Variants in YTHDC2 observed in about 807,000 individuals in gnomAD.
The protein encoded by YTHDC2 is YTH N6-methyladenosine RNA binding protein C2.
Under a neutral mutation model 174.9 loss-of-function variants are expected in YTHDC2, and 45 were observed. The observed-to-expected ratio is 0.26, with a 90% CI of 0.20 to 0.33. The LOEUF (loss-of-function observed/expected upper bound fraction) is 0.33. YTHDC2 is among the 10% of genes least tolerant of loss of function. The probability of loss-of-function intolerance (pLI) is 1.00; values close to 1 mark genes in which losing one functional copy is unlikely to be tolerated. For missense variants in YTHDC2, 1,650 were observed against 1,723.7 expected (o/e 0.96, Z 0.76); for synonymous variants, 657 against 574.5 (o/e 1.14, Z -2.05).
chr5:113,524,366 T>C (rs888984597), intron 2 of YTHDC2, among the ~76,000 whole-genome samples: 2 of 152,134 alleles, frequency 1.3e-5, no homozygotes, highest in Admixed American at 6.5e-5. Context: ...AGTAAATAAC[T>C]TGAACAGTTA....
intron 2 of YTHDC2, among the ~76,000 whole-genome samples, chr5:113,517,270 T>C (rs1391613098): frequency 6.6e-6 from 1 of 152,198 alleles, no homozygotes; most frequent in African/African-American, 2.4e-5. Flanking sequence ...CTTAAAAGTT[T>C]CCAGTTTTTG....
intron 23 of YTHDC2, among the ~76,000 whole-genome samples, chr5:113,569,313 G>T (rs796068962): frequency 1.3e-5 from 2 of 152,176 alleles, no homozygotes; most frequent in African/African-American, 4.8e-5. Flanking sequence ...TCTGATGATA[G>T]TTGTTTCTTT....
At position 113,593,536 on chromosome 5, in the gene YTHDC2, C is replaced by G. The variant is rs1779115674; in HGVS notation, c.*62C>G. ...TATTTATAACCACTGAATGCACTGACTTTCAAAAACTGAGGTGGGGTGTGT... is the reference window on the plus strand; with the variant it reads ...TATTTATAACCACTGAATGCACTGAGTTTCAAAAACTGAGGTGGGGTGTGT... On this transcript the variant is annotated 3_prime_UTR_variant, in exon 30 of 30. Transcript: ENST00000161863. The G allele has an allele frequency of 1.7e-6, 1 of 588,484 alleles. No homozygotes were observed. The highest frequency in any genetic ancestry group is 2.9e-6 in the Non-Finnish European group (1 of 350,354). 36.5% of individuals were successfully genotyped at this position (588,484 alleles called of 1,614,324 possible). A position where few individuals can be genotyped will look rare whatever the true frequency, so the allele number is the denominator to read the frequency against.
At chr5:113,567,028 G>T (rs1777379251) in intron 21 of YTHDC2, 64 bp from the exon 22 acceptor site, 2 of 1,510,390 alleles carry the variant, frequency 1.3e-6, no homozygotes, top group Admixed American at 2.3e-5. Flanking sequence ...CAAGTTTTTG[G>T]AAAAAATACA....
intron 17 of YTHDC2, 39 bp from the exon 18 acceptor site, chr5:113,561,041 T>A (rs554136252): frequency 1.3e-6 from 2 of 1,527,850 alleles, no homozygotes; most frequent in South Asian, 2.5e-5. Flanking sequence ...GTAGCCTTTA[T>A]TCGTTGTTTG....
At chr5:113,580,930 C>G (rs1193627732) in intron 24 of YTHDC2, among the ~76,000 whole-genome samples, 1 of 152,116 alleles carries the variant, frequency 6.6e-6, no homozygotes, top group Non-Finnish European at 1.5e-5. Flanking sequence ...CACTTTGTGT[C>G]TTACTCTTAT....
chr5:113,552,587 A>C (rs139330578), intron 12 of YTHDC2, among the ~76,000 whole-genome samples: 1 of 152,076 alleles, frequency 6.6e-6, no homozygotes, highest in Non-Finnish European at 1.5e-5. Context: ...GGTTGTTTCC[A>C]CTTTCTGACT....
Position 113,594,329 on chromosome 5 carries a change from A to G in YTHDC2, c.*855A>G, listed in dbSNP as rs1267337722. On this transcript the variant is annotated 3_prime_UTR_variant, in exon 30 of 30. Transcript: ENST00000161863. ...TTGTTTTGGCTACAACTTGATTGAAACAAGTTCAAAATTTAAACAAGTTCA... is the reference window on the plus strand; with the variant it reads ...TTGTTTTGGCTACAACTTGATTGAAGCAAGTTCAAAATTTAAACAAGTTCA... 1.3e-5 allele frequency: 2 copies of G among 152,068 alleles called. No homozygotes were observed. The highest frequency in any genetic ancestry group is 2.9e-5 in the Non-Finnish European group (2 of 67,996). 9.4% of individuals were successfully genotyped at this position (152,068 alleles called of 1,614,324 possible).
rs938373343 is a variant in YTHDC2, at chr5:113,553,957, A to G, written c.2068A>G (p.Ile690Val). The G allele has an allele frequency of 6.9e-6, 11 of 1,586,444 alleles. No individual in the cohort carries two copies. Among genetic ancestry groups the G allele is most frequent in the South Asian group, 1.2e-5 (1 of 85,134 alleles). ...GVRKIILSTN[I>V]AETSITVNDV... Reference sequence around the variant, plus strand: ...CTTGTTGCAGATTCTTTCCACCAATATTGCTGAAACCAGCATCACAGTCAA... The same window carrying G: ...CTTGTTGCAGATTCTTTCCACCAATGTTGCTGAAACCAGCATCACAGTCAA... The change falls in exon 16 of 30, where the codon ATT becomes GTT. Residue 690 changes from isoleucine to valine, a missense_variant. Physicochemically the swap from Ile to Val is conservative, Grantham distance 29. This residue lies in a region of YTHDC2 where 913 missense variants were observed against 940.4 expected (regional missense o/e 0.97). Coordinates refer to ENST00000161863, the MANE Select transcript of YTHDC2 (RefSeq NM_022828.5).
chr5:113,592,178 G>T lies in YTHDC2; in HGVS notation c.4212G>T (p.Gln1404His), dbSNP rs1337038101. ...AAGTGCAGATAAGCAGGGATGGGCAGGTATACAATGGCATTTTTTTTTTTA... is the reference window on the plus strand; with the variant it reads ...AAGTGCAGATAAGCAGGGATGGGCATGTATACAATGGCATTTTTTTTTTTA... ...NKKVQISRDGQELEPLVGEQL... is the reference protein window; with the variant it reads ...NKKVQISRDGHELEPLVGEQL... Residue 1404 changes from glutamine to histidine, a missense_variant and splice_region_variant, in exon 28 of 30, where the codon CAG (glutamine) becomes CAT (histidine). Gln to His is a conservative substitution (Grantham distance 24). Coordinates refer to ENST00000161863, the MANE Select transcript of YTHDC2 (RefSeq NM_022828.5). 6.3e-7 allele frequency: 1 copy of T among 1,579,980 alleles called. No individual in the cohort carries two copies.
At chr5:113,560,841 A>C (rs537549136) in intron 17 of YTHDC2, among the ~76,000 whole-genome samples, 1 of 152,240 alleles carries the variant, frequency 6.6e-6, no homozygotes, top group South Asian at 2.1e-4. Context: ...TTTTACCATA[A>C]CCCTACAAGA....
intron 2 of YTHDC2, among the ~76,000 whole-genome samples, chr5:113,515,916 A>G (rs879658446): frequency 2.6e-5 from 4 of 152,314 alleles, no homozygotes; most frequent in South Asian, 2.1e-4. Context: ...TGCTGTCTCT[A>G]TTAAGAGTCT....
Position 113,548,998 on chromosome 5 carries a change from G to T in YTHDC2, c.1666G>T (p.Val556Leu). ...TAAACACTTTGGGCAGACTGAAATT[G>T]TGGATCTTCTAGAATCTTACAGGTA... ...WAKHFGQTEI[V>L]DLLESYSATL... Residue 556 changes from valine to leucine, a missense_variant, in exon 12 of 30, where the codon GTG becomes TTG. Physicochemically the swap from Val to Leu is conservative, Grantham distance 32 (BLOSUM62 1). This residue lies in a region of YTHDC2 where 411 missense variants were observed against 380.6 expected (regional missense o/e 1.08). Transcript: ENST00000161863. The T allele has an allele frequency of 6.2e-7, 1 of 1,613,004 alleles. No homozygotes were observed. Among genetic ancestry groups the T allele is most frequent in the Middle Eastern group, 1.7e-4 (1 of 6,052 alleles).
At position 113,515,290 on chromosome 5, in the gene YTHDC2, C is replaced by G; in HGVS notation, c.206C>G (p.Ser69Cys). Residue 69 changes from serine (S) to cysteine (C), a missense_variant, in exon 2 of 30, where the codon TCT becomes TGT. By Grantham distance (112) the Ser-to-Cys change is moderately radical. Around this residue, in one of 5 missense-constraint regions of YTHDC2, gnomAD observed 304 missense variants for 341.4 expected, o/e 0.89. Transcript: ENST00000161863. ...GDQREMEFPSSLTSTERAFIH... is the reference protein window; with the variant it reads ...GDQREMEFPSCLTSTERAFIH... ...CGTGTAGAAATGGAATTTCCTTCTT[C>G]TTTGACCAGTACTGAAAGAGCCTTT... The G allele has an allele frequency of 6.2e-7, 1 of 1,606,838 alleles. No homozygotes were observed. The highest frequency in any genetic ancestry group is 8.5e-7 in the Non-Finnish European group (1 of 1,177,620).
At chr5:113,538,647 A>G (rs1223806162) in intron 7 of YTHDC2, among the ~76,000 whole-genome samples, 1 of 152,028 alleles carries the variant, frequency 6.6e-6, no homozygotes, top group Admixed American at 6.6e-5. Context: ...GATGTTGTCA[A>G]ATCCCCCGTT....
At chr5:113,590,556 G>T (rs745417112) in intron 26 of YTHDC2, among the ~76,000 whole-genome samples, 1 of 152,116 alleles carries the variant, frequency 6.6e-6, no homozygotes, top group Non-Finnish European at 1.5e-5. Flanking sequence ...TGTTTCCTTT[G>T]GAGCTCTCTT....
intron 19 of YTHDC2, 105 bp from the exon 20 acceptor site, chr5:113,563,754 C>T: frequency 3.0e-6 from 4 of 1,337,574 alleles, no homozygotes; most frequent in Non-Finnish European, 4.1e-6. Context: ...GATGTAGTAG[C>T]AAAAGAAAAT....
chr5:113,557,513 G>A (rs965449472), intron 17 of YTHDC2, among the ~76,000 whole-genome samples: 5 of 152,154 alleles, frequency 3.3e-5, no homozygotes, highest in Admixed American at 6.5e-5. Flanking sequence ...TGTGGGTAAG[G>A]CTGGGTGTAG....
chr5:113,519,616 T>C (rs1201119976), intron 2 of YTHDC2, among the ~76,000 whole-genome samples: 1 of 152,202 alleles, frequency 6.6e-6, no homozygotes, highest in Non-Finnish European at 1.5e-5. Context: ...CAAAGTACAG[T>C]TCTGGAGGTC....
Sources: allele counts gnomAD v4.1 joint callset (sites outside exome capture counted in the v4.1 genomes callset), GRCh38; gene constraint gnomAD v4.1.1; regional missense constraint gnomAD v4.1.1; transcripts MANE v1.5; gene names NCBI Gene and HGNC (gene_info 2026-07-23, HGNC 2026-07-21).